The following MBNL2 variants were observed in gnomAD, a reference collection of about 807,000 sequenced individuals.
MBNL2 encodes muscleblind like splicing regulator 2.
A neutral mutation model predicts 41.9 loss-of-function variants in MBNL2; 17 were observed. The ratio of observed to expected loss-of-function variants is 0.41; its 90% CI spans 0.28 to 0.61. The LOEUF is 0.61. Ranked by LOEUF, MBNL2 falls within the 20% of genes least tolerant of loss-of-function variation. MBNL2 has a pLI of 0.35. For synonymous variants in MBNL2, 195 were observed against 182.9 expected, an observed-to-expected ratio of 1.07 and a Z score of -0.53; for missense variants, 336 against 505.6, an observed-to-expected ratio of 0.66 and a Z score of 3.22.
At chr13:97,349,227 CCTT>C (rs141719098) in intron 5 of MBNL2, among the ~76,000 whole-genome samples, 2,785 of 152,128 alleles carry the variant, frequency 0.018, 47 homozygotes, top group Middle Eastern at 0.058. Flanking sequence ...AGAAATTCTC[CCTT>C]TTTTTCTTCT....
intron 4 of MBNL2, among the ~76,000 whole-genome samples, chr13:97,345,621 T>A (rs1420781987): frequency 6.6e-6 from 1 of 152,164 alleles, no homozygotes; most frequent in Non-Finnish European, 1.5e-5. Context: ...TTTTCTGTGC[T>A]GTCAAAAATA....
At chr13:97,278,481 G>T (rs1160430924) in intron 2 of MBNL2, among the ~76,000 whole-genome samples, 5 of 151,894 alleles carry the variant, frequency 3.3e-5, no homozygotes, top group African/African-American at 1.2e-4. Context: ...AGAAATATGG[G>T]GAAAATAATT....
chr13:97,300,940 G>C (rs1013275725), intron 2 of MBNL2, among the ~76,000 whole-genome samples: 1 of 152,172 alleles, frequency 6.6e-6, no homozygotes, highest in Non-Finnish European at 1.5e-5. Context: ...GTGATGAGAC[G>C]GAATTGTCAT....
At chr13:97,335,710 G>A (rs2060824831) in intron 3 of MBNL2, among the ~76,000 whole-genome samples, 1 of 152,190 alleles carries the variant, frequency 6.6e-6, no homozygotes, top group Non-Finnish European at 1.5e-5. Flanking sequence ...GACAAGGAAA[G>A]CCTGCCTGGA....
intron 1 of MBNL2, among the ~76,000 whole-genome samples, chr13:97,234,981 C>T (rs189394808): frequency 3.3e-4 from 50 of 151,846 alleles, no homozygotes; most frequent in African/African-American, 1.2e-3. Flanking sequence ...AACCTGCCCT[C>T]CTTCCTCGTA....
intron 1 of MBNL2, among the ~76,000 whole-genome samples, chr13:97,255,796 A>T (rs1487389614): frequency 6.6e-6 from 1 of 152,238 alleles, no homozygotes; most frequent in African/African-American, 2.4e-5. Flanking sequence ...TCCGTGAAGC[A>T]TCCATAATCT....
chr13:97,248,955 CTTTTA>C (rs964364378), intron 1 of MBNL2, among the ~76,000 whole-genome samples: 13 of 152,300 alleles, frequency 8.5e-5, no homozygotes, highest in East Asian at 3.9e-4. Flanking sequence ...TCACTCCATT[CTTTTA>C]TTTAATCTCT....
At chr13:97,244,631 A>C (rs924921874) in intron 1 of MBNL2, among the ~76,000 whole-genome samples, 29 of 152,204 alleles carry the variant, frequency 1.9e-4, no homozygotes, top group African/African-American at 7.0e-4. Flanking sequence ...TTGTAATCTC[A>C]TTCTTTGCCA....
chr13:97,275,392 T>A (rs1184942647), intron 1 of MBNL2, among the ~76,000 whole-genome samples: 1 of 152,246 alleles, frequency 6.6e-6, no homozygotes, highest in African/African-American at 2.4e-5. Context: ...AATTATTGTG[T>A]CTGCCACACT....
At chr13:97,269,790 C>T (rs2050555411) in intron 1 of MBNL2, among the ~76,000 whole-genome samples, 1 of 152,086 alleles carries the variant, frequency 6.6e-6, no homozygotes, top group Admixed American at 6.5e-5. Context: ...GCTATGCAGT[C>T]AGACCATTGA....
At chr13:97,389,535 T>C (rs1478841271) in intron 8 of MBNL2, among the ~76,000 whole-genome samples, 5 of 151,980 alleles carry the variant, frequency 3.3e-5, no homozygotes, top group Non-Finnish European at 5.9e-5. Flanking sequence ...AGACCCCATC[T>C]CTACAAAAAT....
chr13:97,338,102 C>T (rs2061043775), intron 3 of MBNL2, among the ~76,000 whole-genome samples: 2 of 152,190 alleles, frequency 1.3e-5, no homozygotes, highest in South Asian at 4.1e-4. Flanking sequence ...CCCTTATGTG[C>T]CCCTCCATGC....
chr13:97,219,444 T>C (rs1403883688), upstream of MBNL2, among the ~76,000 whole-genome samples: 3 of 152,232 alleles, frequency 2.0e-5, no homozygotes, highest in African/African-American at 4.8e-5. Flanking sequence ...GGGTGGCTTA[T>C]ACAACAGAAG....
the MBNL2 span, among the ~76,000 whole-genome samples, chr13:97,154,863 T>A: frequency 3.9e-5 from 6 of 151,916 alleles, no homozygotes; most frequent in South Asian, 1.0e-3. Context: ...TCAACTAAAA[T>A]TCACCTTGGC....
At chr13:97,184,502 C>A in the MBNL2 span, among the ~76,000 whole-genome samples, 1 of 152,070 alleles carries the variant, frequency 6.6e-6, no homozygotes, top group Admixed American at 6.5e-5. Flanking sequence ...CTGGAAATAA[C>A]CCCTCCACTA....
chr13:97,303,549 ACC>A (rs2057845343), intron 2 of MBNL2, among the ~76,000 whole-genome samples: 1 of 152,224 alleles, frequency 6.6e-6, no homozygotes, highest in Non-Finnish European at 1.5e-5. Flanking sequence ...TGCAGGCTGC[ACC>A]AGTGATATTT....
At chr13:97,223,676 A>G (rs1305736301) in intron 1 of MBNL2, among the ~76,000 whole-genome samples, 5 of 152,228 alleles carry the variant, frequency 3.3e-5, no homozygotes, top group Non-Finnish European at 5.9e-5. Flanking sequence ...TTTGGGGACA[A>G]TAAGGTTTTT....
the MBNL2 span, among the ~76,000 whole-genome samples, chr13:97,160,067 C>G: frequency 4.6e-5 from 7 of 152,210 alleles, no homozygotes; most frequent in African/African-American, 1.7e-4. Context: ...TTCACATAGT[C>G]CCATATTTCT....
chr13:97,392,961 C>T lies in MBNL2; in HGVS notation c.*1512C>T, dbSNP rs1223724411. 2 of 152,278 alleles carry T rather than the reference C, an allele frequency of 1.3e-5. No homozygotes were observed. Among genetic ancestry groups the T allele is most frequent in the African/African-American group, 2.4e-5 (1 of 41,368 alleles). The allele number at this position is 152,278 out of a possible 1,614,324, so 9.4% of individuals were successfully genotyped here. On this transcript the variant is annotated 3_prime_UTR_variant, in exon 9 of 9. Transcript: ENST00000679496. ...TGTTCTGAAAACTAGATGCACCAAC[C>T]GTATCATTATTTGTTTGAGGAAAAA...
Sources: gnomAD v4.1 joint callset for allele counts (sites outside exome capture counted in the v4.1 genomes callset) on GRCh38, gnomAD v4.1.1 for gene constraint, MANE v1.5 for transcripts, NCBI Gene and HGNC (gene_info 2026-07-23, HGNC 2026-07-21) for gene names.